The following ATP2A2 variants were observed in gnomAD, a reference collection of about 807,000 sequenced individuals.
ATP2A2 encodes ATPase sarcoplasmic/endoplasmic reticulum Ca2+ transporting 2, also known as sarcoplasmic/endoplasmic reticulum calcium ATPase 2.
A neutral mutation model predicts 109.3 loss-of-function variants in ATP2A2; 14 were observed. The observed-to-expected ratio is 0.13, with a 90% CI of 0.08 to 0.20. The LOEUF is 0.20. Ranked by LOEUF, ATP2A2 falls within the 10% of genes least tolerant of loss-of-function variation. ATP2A2 has a pLI of 1.00. For synonymous variants in ATP2A2, 506 were observed against 490.9 expected, an observed-to-expected ratio of 1.03 and a Z score of -0.41; for missense variants, 657 against 1,321.6, an observed-to-expected ratio of 0.50 and a Z score of 7.80.
intron 5 of ATP2A2, among the ~76,000 whole-genome samples, chr12:110,313,915 T>C (rs918191851): frequency 1.3e-5 from 2 of 151,168 alleles, no homozygotes; most frequent in African/African-American, 4.9e-5. Flanking sequence ...GGTTTCACCA[T>C]GTTGGCCAGG....
At chr12:110,319,811 G>A (rs1288721358) in intron 5 of ATP2A2, among the ~76,000 whole-genome samples, 1 of 151,816 alleles carries the variant, frequency 6.6e-6, no homozygotes, top group African/African-American at 2.4e-5. Context: ...TGTATATTTA[G>A]TATTGGTCCT....
chr12:110,288,161 G>A (rs1163721305), intron 3 of ATP2A2, among the ~76,000 whole-genome samples: 2 of 126,768 alleles, frequency 1.6e-5, no homozygotes, highest in Non-Finnish European at 3.1e-5. Context: ...AGGCTGGAAT[G>A]TAGTAGTGGC....
chr12:110,298,799 T>C (rs1329321078), intron 5 of ATP2A2, among the ~76,000 whole-genome samples: 1 of 152,234 alleles, frequency 6.6e-6, no homozygotes, highest in Non-Finnish European at 1.5e-5. Context: ...TACACACATT[T>C]TTGTATGAAC....
At chr12:110,312,054 C>A (rs1210238742) in intron 5 of ATP2A2, among the ~76,000 whole-genome samples, 1 of 151,966 alleles carries the variant, frequency 6.6e-6, no homozygotes, top group Non-Finnish European at 1.5e-5. Flanking sequence ...TGACGTGCTC[C>A]TGTAGTCCCT....
chr12:110,328,083 T>C, intron 8 of ATP2A2, 66 bp downstream of exon 8: 1 of 1,494,064 alleles, frequency 6.7e-7, no homozygotes, highest in Non-Finnish European at 9.2e-7. Flanking sequence ...TATGCCTTCA[T>C]GCCATCAAAA....
Position 110,347,442 on chromosome 12 carries a change from C to T in ATP2A2, c.*972C>T, listed in dbSNP as rs552167996. 7.8e-7 allele frequency: 1 copy of T among 1,289,080 alleles called. No individual in the cohort carries two copies. The highest frequency in any genetic ancestry group is 2.3e-5 in the Admixed American group (1 of 43,536). 79.9% of individuals were successfully genotyped at this position (1,289,080 alleles called of 1,614,324 possible). A position where few individuals can be genotyped will look rare whatever the true frequency, so the allele number is the denominator to read the frequency against. ...ACTCTGCTTGAGGGGAAGAAGGCTCCTGCTCTGCTGTGTAGGTAGTCATAG... is the reference window on the plus strand; with the variant it reads ...ACTCTGCTTGAGGGGAAGAAGGCTCTTGCTCTGCTGTGTAGGTAGTCATAG... On this transcript the variant is annotated 3_prime_UTR_variant, in exon 20 of 20. Transcript: ENST00000539276.
intron 5 of ATP2A2, 68 bp from the exon 6 acceptor site, chr12:110,322,924 A>G (rs1298730638): frequency 8.8e-7 from 1 of 1,134,442 alleles, no homozygotes; most frequent in African/African-American, 1.5e-5. Flanking sequence ...TTTGGAGACA[A>G]ATTCATCTTT....
rs907829032 is a variant in ATP2A2, at chr12:110,282,877, T to C, written c.219+82T>C. 9 of 1,190,944 alleles carry C rather than the reference T, an allele frequency of 7.6e-6. No individual in the cohort carries two copies. In the Admixed American group the frequency reaches 1.4e-4, roughly 18 times the overall value. The allele number at this position is 1,190,944 out of a possible 1,614,324, so 73.8% of individuals were successfully genotyped here. A position where few individuals can be genotyped will look rare whatever the true frequency, so the allele number is the denominator to read the frequency against. On this transcript the variant is annotated intron_variant, in intron 3 of 19. Transcript: ENST00000539276. ...TAAATCAGAAAACAAATGATGTCCATTGGGTGAAAACATATTTGGAGTTGC... is the reference window on the plus strand; with the variant it reads ...TAAATCAGAAAACAAATGATGTCCACTGGGTGAAAACATATTTGGAGTTGC...
At chr12:110,312,004 G>A (rs926560306) in intron 5 of ATP2A2, among the ~76,000 whole-genome samples, 11 of 152,008 alleles carry the variant, frequency 7.2e-5, no homozygotes, top group African/African-American at 1.4e-4. Context: ...GAAAGACCCC[G>A]TCTCTAAAAA....
chr12:110,342,216 T>C lies in ATP2A2; in HGVS notation c.2098-12T>C. ...GCCAGTTGGCTGACCCAACCATTGC[T>C]TTCCCTTTCAGACTGGCGATGGCGT... On this transcript the variant is annotated splice_polypyrimidine_tract_variant and intron_variant, in intron 14 of 19. Transcript: ENST00000539276. The surrounding 1 kb of genome is among the most constrained non-coding windows in gnomAD (Gnocchi z 4.6). 1 of 1,614,238 alleles carries C rather than the reference T, an allele frequency of 6.2e-7. No homozygotes were observed. Among genetic ancestry groups the C allele is most frequent in the Non-Finnish European group, 8.5e-7 (1 of 1,180,030 alleles).
At position 110,347,489 on chromosome 12, in the gene ATP2A2, G is replaced by A; in HGVS notation, c.*1019G>A. 7.8e-7 allele frequency: 1 copy of A among 1,289,062 alleles called. No individual in the cohort carries two copies. The highest frequency in any genetic ancestry group is 1.0e-6 in the Non-Finnish European group (1 of 988,684). 79.9% of individuals were successfully genotyped at this position (1,289,062 alleles called of 1,614,324 possible). A position where few individuals can be genotyped will look rare whatever the true frequency, so the allele number is the denominator to read the frequency against. ...ATAGGAATTGTATTCTTAATGTACA[G>A]GCACTAATTGTCATCTGTGATGTAC... is the stretch of plus-strand genomic sequence containing the variant. On this transcript the variant is annotated 3_prime_UTR_variant, in exon 20 of 20. Coordinates refer to ENST00000539276, the MANE Select transcript of ATP2A2 (RefSeq NM_170665.4).
At chr12:110,315,498 C>G (rs1190165963) in intron 5 of ATP2A2, among the ~76,000 whole-genome samples, 1 of 152,120 alleles carries the variant, frequency 6.6e-6, no homozygotes, top group Non-Finnish European at 1.5e-5. Context: ...TCTGATTTAT[C>G]ACCAGTTTAG....
chr12:110,349,170 G>C lies in ATP2A2; in HGVS notation c.*2700G>C, dbSNP rs3026493. ...GGCCACTTGCTCCATTTCACTGAAG[G>C]CTTTGCTGGGTGAAAACACTTCAGC... On this transcript the variant is annotated 3_prime_UTR_variant, in exon 20 of 20. Transcript: ENST00000539276. The C allele has an allele frequency of 3.4e-3, 3,324 of 985,482 alleles. 99 individuals carry two copies. The African/African-American group carries it at 0.055, about 16-fold the overall frequency. The allele number at this position is 985,482 out of a possible 1,614,324, so 61.0% of individuals were successfully genotyped here.
intron 5 of ATP2A2, among the ~76,000 whole-genome samples, chr12:110,321,063 C>CT (rs1877194244): frequency 6.6e-6 from 1 of 152,086 alleles, no homozygotes. Context: ...GCTATCTCTA[C>CT]TAAAAATACA....
intron 5 of ATP2A2, among the ~76,000 whole-genome samples, chr12:110,306,527 T>C (rs775209398): frequency 5.3e-5 from 8 of 152,104 alleles, no homozygotes; most frequent in Non-Finnish European, 1.2e-4. Context: ...CCTCCCACTT[T>C]TTGGAGTGCC....
In ATP2A2 at chr12:110,339,610, G is replaced by T. The variant is rs1457380661; in HGVS notation, c.1650G>T (p.Glu550Asp). 1.9e-6 allele frequency: 3 copies of T among 1,614,206 alleles called. No individual in the cohort carries two copies. The highest frequency in any genetic ancestry group is 3.3e-5 in the Admixed American group (2 of 60,022). The change falls in exon 13 of 20, where the codon GAG becomes GAT. Residue 550 changes from glutamate (E) to aspartate (D), a missense_variant. Glu to Asp is a conservative substitution (Grantham distance 45, BLOSUM62 2). Coordinates refer to ENST00000539276, the MANE Select transcript of ATP2A2 (RefSeq NM_170665.4). The surrounding 1 kb of genome is among the most constrained non-coding windows in gnomAD (Gnocchi z 4.4). ...VKQKIMSVIR[E>D]WGSGSDTLRC... ...AGAAGATCATGTCTGTCATTCGAGA[G>T]TGGGGTAGTGGCAGCGACACACTGC...
intron 18 of ATP2A2, 194 bp from the exon 19 acceptor site, chr12:110,345,807 G>A: frequency 1.5e-6 from 1 of 673,100 alleles, no homozygotes; most frequent in Non-Finnish European, 2.7e-6. Flanking sequence ...CCAAAACATA[G>A]ATACAGAATT....
In ATP2A2 at chr12:110,339,029, T is replaced by C. The variant is rs1879109234; in HGVS notation, c.1420-252T>C. 6.6e-6 allele frequency among the ~76,000 whole-genome samples: 1 copy of C among 152,208 alleles called. No homozygotes were observed. Among genetic ancestry groups the C allele is most frequent in the South Asian group, 2.1e-4 (1 of 4,834 alleles). ...ATGTCACCGCCTTCTGGCCACTTTATGTAACAGTTCATATGTATGTATGCA... is the reference window on the plus strand; with the variant it reads ...ATGTCACCGCCTTCTGGCCACTTTACGTAACAGTTCATATGTATGTATGCA... On this transcript the variant is annotated intron_variant, in intron 11 of 19. Coordinates refer to ENST00000539276, the MANE Select transcript of ATP2A2 (RefSeq NM_170665.4). This position sits in a 1 kb window ranked among gnomAD's most constrained non-coding sequence, Gnocchi z 4.4.
chr12:110,307,902 C>T (rs1875560429), intron 5 of ATP2A2, among the ~76,000 whole-genome samples: 1 of 152,300 alleles, frequency 6.6e-6, no homozygotes, highest in South Asian at 2.1e-4. Flanking sequence ...GAGGCTTAGT[C>T]ATAAATTCTT....
Sources: gnomAD v4.1 joint callset for allele counts (sites outside exome capture counted in the v4.1 genomes callset) on GRCh38, gnomAD v4.1.1 for gene constraint, Gnocchi (gnomAD v3.1) non-coding constraint, MANE v1.5 for transcripts, NCBI Gene and HGNC (gene_info 2026-07-23, HGNC 2026-07-21) for gene names.